The following ACAP2 variants were observed in gnomAD, a reference collection of about 807,000 sequenced individuals.
ACAP2 encodes ArfGAP with coiled-coil, ankyrin repeat and PH domains 2, also known as arf-GAP with coiled-coil, ANK repeat and PH domain-containing protein 2.
ACAP2 carries 39 observed loss-of-function variants against 115.8 expected under a neutral mutation model. The ratio of observed to expected loss-of-function variants is 0.34; its 90% CI spans 0.26 to 0.44. The LOEUF is 0.44. Among genes scored for constraint, ACAP2 ranks in the 20% least tolerant of loss-of-function variants. The probability of loss-of-function intolerance (pLI) is 1.00; values close to 1 mark genes in which losing one functional copy is unlikely to be tolerated. For missense variants in ACAP2, 662 were observed against 927.6 expected (o/e 0.71, Z 3.72); for synonymous variants, 289 against 315.8 (o/e 0.92, Z 0.90).
chr3:195,403,372 CAGAGAAGAA>C (rs2108796109), intron 1 of ACAP2, among the ~76,000 whole-genome samples: 1 of 152,310 alleles, frequency 6.6e-6, no homozygotes, highest in East Asian at 1.9e-4. Context: ...AGGTCTGCAC[CAGAGAAGAA>C]CCATGCTGTA....
rs115342718 is a variant in ACAP2, at chr3:195,309,768, C to A, written c.858-931G>T. On this transcript the variant is annotated intron_variant, in intron 10 of 22. Transcript: ENST00000326793. ...AGTAAAATAATCAAAGTTATTACTA[C>A]AAATGATTCACTCAACTATTTATAT... Among the ~76,000 whole-genome samples the A allele has an allele frequency of 1.7e-3, 254 of 152,232 alleles. 1 individual carries two copies. Among genetic ancestry groups the A allele is most frequent in the African/African-American group, 4.7e-3 (195 of 41,548 alleles).
chr3:195,328,416 T>A (rs1729945082), intron 8 of ACAP2, among the ~76,000 whole-genome samples: 1 of 152,014 alleles, frequency 6.6e-6, no homozygotes, highest in Admixed American at 6.6e-5. Context: ...TAATAAAGAT[T>A]AACCAAAAAA....
intron 22 of ACAP2, 126 bp from the exon 23 acceptor site, chr3:195,279,554 G>A (rs1726352955): frequency 2.1e-6 from 1 of 476,120 alleles, no homozygotes; most frequent in Non-Finnish European, 3.5e-6. Context: ...GAGCATTTTT[G>A]GAAGAAAAGG....
intron 1 of ACAP2, among the ~76,000 whole-genome samples, chr3:195,401,207 G>A (rs1020219414): frequency 2.0e-5 from 3 of 152,066 alleles, no homozygotes; most frequent in Non-Finnish European, 4.4e-5. Flanking sequence ...TTCTCTCCAC[G>A]ACATACCACA....
chr3:195,309,057 C>A, intron 10 of ACAP2, among the ~76,000 whole-genome samples: 1 of 152,158 alleles, frequency 6.6e-6, no homozygotes. Context: ...TAAAGTACTA[C>A]ATTTTGATTA....
intron 1 of ACAP2, among the ~76,000 whole-genome samples, chr3:195,419,833 T>C (rs1714027879): frequency 6.6e-6 from 1 of 152,220 alleles, no homozygotes; most frequent in Non-Finnish European, 1.5e-5. Context: ...TTCTCTAAAG[T>C]CTTACATACA....
chr3:195,349,430 G>A (rs780995449), intron 4 of ACAP2, among the ~76,000 whole-genome samples: 5 of 152,030 alleles, frequency 3.3e-5, no homozygotes, highest in Admixed American at 6.6e-5. Context: ...GCAGTGAACC[G>A]AGATCACGCC....
intron 6 of ACAP2, among the ~76,000 whole-genome samples, chr3:195,338,846 C>T (rs1401552187): frequency 6.6e-6 from 1 of 151,814 alleles, no homozygotes; most frequent in Non-Finnish European, 1.5e-5. Context: ...GTCCTTCCCA[C>T]TGAATTCTGT....
At position 195,392,179 on chromosome 3, in the gene ACAP2, CGTTT is replaced by C. The variant is rs753531026; in HGVS notation, c.54-36_54-33del. 171 of 1,556,898 alleles carry C rather than the reference CGTTT, an allele frequency of 1.1e-4. No individual in the cohort carries two copies. The Middle Eastern group carries it at 1.9e-3, about 17-fold the overall frequency. ...AAATTAAATATAAAATAAGTTATTT[CGTTT>C]GTTTAAATGTACACTTTACTCTTGA... On this transcript the variant is annotated intron_variant, in intron 1 of 22. Transcript: ENST00000326793.
intron 2 of ACAP2, among the ~76,000 whole-genome samples, chr3:195,384,520 A>G (rs1176736392): frequency 6.6e-6 from 1 of 152,096 alleles, no homozygotes; most frequent in East Asian, 1.9e-4. Context: ...TGAGGTCAGG[A>G]GTTCAAGACC....
rs772975846 is a variant in ACAP2 at position 195,381,928 on chromosome 3, T to C, written c.206A>G (p.Tyr69Cys). 7 of 1,610,728 alleles carry C rather than the reference T, an allele frequency of 4.3e-6. No homozygotes were observed. In the South Asian group the frequency reaches 7.8e-5, roughly 18 times the overall value. The change falls in exon 3 of 23, where the codon TAT (tyrosine) becomes TGT (cysteine). Residue 69 changes from tyrosine (Y) to cysteine (C), a missense_variant. Transcript: ENST00000326793. Reference protein sequence around the residue: ...FMNGIRDLAQYSSNDAVVETS... With the variant: ...FMNGIRDLAQCSSNDAVVETS... Reference sequence around the variant, plus strand: ...CTCAACGACAGCATCATTACTAGAATACTGAGCCAGGTCTCGAATCCCATT... The same window carrying C: ...CTCAACGACAGCATCATTACTAGAACACTGAGCCAGGTCTCGAATCCCATT...
intron 1 of ACAP2, among the ~76,000 whole-genome samples, chr3:195,420,634 C>T (rs1487454943): frequency 6.6e-6 from 1 of 151,768 alleles, no homozygotes; most frequent in Non-Finnish European, 1.5e-5. Flanking sequence ...TGAGCCACTG[C>T]GCCCGGCCTG....
intron 1 of ACAP2, among the ~76,000 whole-genome samples, chr3:195,417,857 G>T (rs1713867544): frequency 6.6e-6 from 1 of 151,998 alleles, no homozygotes; most frequent in African/African-American, 2.4e-5. Context: ...GCTAAGGTGG[G>T]AGGATCGCTT....
intron 21 of ACAP2, among the ~76,000 whole-genome samples, chr3:195,287,621 T>C (rs1012464543): frequency 6.6e-6 from 1 of 152,102 alleles, no homozygotes; most frequent in Non-Finnish European, 1.5e-5. Flanking sequence ...TTTATGTGAA[T>C]AATTCTTTTT....
At position 195,295,772 on chromosome 3, in the gene ACAP2, T is replaced by C. The variant is rs1727606777; in HGVS notation, c.1608A>G (p.Glu536=). The C allele has an allele frequency of 6.2e-7, 1 of 1,614,046 alleles. No individual in the cohort carries two copies. Among genetic ancestry groups the C allele is most frequent in the Admixed American group, 1.7e-5 (1 of 60,010 alleles). Residue 536 remains glutamate (E), a synonymous_variant, in exon 17 of 23, where the codon GAA becomes GAG. Coordinates refer to ENST00000326793, the MANE Select transcript of ACAP2 (RefSeq NM_012287.6). ...QKKFVSKSSE[E]KRLSISKFGP... is the part of the protein sequence containing the mutation. Reference sequence around the variant, plus strand: ...CAAATTTAGAAATGCTCAGCCTCTTTTCTTCAGAACTTTTAGAGACAAACT... The same window carrying C: ...CAAATTTAGAAATGCTCAGCCTCTTCTCTTCAGAACTTTTAGAGACAAACT...
In ACAP2 at chr3:195,345,291, TG is replaced by T; in HGVS notation, c.311del (p.Ser104Ter). ...CAAAGTTCTGAAGCTGTGCCTTAAT[TG>T]ATCTCTGAGTTTGGTCAAACAGGAT... ...HTILFDQTQR[S>X]IKAQLQNFVK... On this transcript the variant is annotated frameshift_variant, in exon 5 of 23. Coordinates refer to ENST00000326793, the MANE Select transcript of ACAP2 (RefSeq NM_012287.6). LOFTEE classifies it high-confidence loss of function. 1 of 1,611,472 alleles carries T rather than the reference TG, an allele frequency of 6.2e-7. No homozygotes were observed. The highest frequency in any genetic ancestry group is 8.5e-7 in the Non-Finnish European group (1 of 1,177,988).
At chr3:195,426,052 C>T (rs971449274) in intron 1 of ACAP2, among the ~76,000 whole-genome samples, 1 of 152,224 alleles carries the variant, frequency 6.6e-6, no homozygotes, top group Non-Finnish European at 1.5e-5. Context: ...CTAACCATAA[C>T]ATCCAAACTC....
intron 21 of ACAP2, 73 bp from the exon 22 acceptor site, chr3:195,285,930 G>A: frequency 2.8e-6 from 3 of 1,081,032 alleles, no homozygotes; most frequent in Non-Finnish European, 4.0e-6. Context: ...CTATAAACAG[G>A]TAATACATGT....
rs151048151 is a variant in ACAP2 at position 195,436,071 on chromosome 3, C to A, written c.53+6724G>T. On this transcript the variant is annotated intron_variant, in intron 1 of 22. Transcript: ENST00000326793. The stretch of plus-strand genomic sequence containing the variant: ...CATTATGTCTTTCTTATGGATTGAC[C>A]CTTTTATTTTTATACACATACACAC... 2.5e-3 allele frequency among the ~76,000 whole-genome samples: 380 copies of A among 150,834 alleles called. 1 individual carries two copies. The highest frequency in any genetic ancestry group is 8.9e-3 in the African/African-American group (364 of 41,106).
Sources: allele counts gnomAD v4.1 joint callset (sites outside exome capture counted in the v4.1 genomes callset), GRCh38; gene constraint gnomAD v4.1.1; transcripts MANE v1.5; gene names NCBI Gene and HGNC (gene_info 2026-07-23, HGNC 2026-07-21).